Variants in SLC25A37 observed in about 807,000 individuals in gnomAD.
SLC25A37 encodes the protein mitoferrin-1.
In SLC25A37, 17 loss-of-function variants were observed where a neutral mutation model predicts 31.0. The ratio of observed to expected loss-of-function variants is 0.55; its 90% CI spans 0.38 to 0.82. SLC25A37 has a LOEUF of 0.82. Ranked by LOEUF, SLC25A37 falls within the 40% of genes least tolerant of loss-of-function variation. The pLI is 0.00. For missense variants in SLC25A37, 404 were observed against 465.8 expected, an observed-to-expected ratio of 0.87 and a Z score of 1.22; for synonymous variants, 222 against 193.0, an observed-to-expected ratio of 1.15 and a Z score of -1.24.
chr8:23,560,361 C>T (rs1328024746), intron 1 of SLC25A37, among the ~76,000 whole-genome samples: 1 of 152,264 alleles, frequency 6.6e-6, no homozygotes, highest in African/African-American at 2.4e-5. Flanking sequence ...CGCCTGCCTT[C>T]TGCCTCTCTT....
rs191843863 is a variant in SLC25A37, at chr8:23,563,285, C to T, written c.211-2823C>T. On this transcript the variant is annotated intron_variant, in intron 1 of 3. Coordinates refer to ENST00000519973, the MANE Select transcript of SLC25A37 (RefSeq NM_016612.4). The stretch of plus-strand genomic sequence containing the variant: ...CACTGCAGCCTCAAACTCCTGGGCT[C>T]AAGGGATTCTCCCACCTCAGCCTCC... Among the ~76,000 whole-genome samples, 1,516 of 152,314 alleles carry T rather than the reference C, an allele frequency of 1.0e-2. 18 individuals are homozygous for T. The highest frequency in any genetic ancestry group is 0.02 in the Middle Eastern group (6 of 294).
intron 1 of SLC25A37, among the ~76,000 whole-genome samples, chr8:23,536,430 C>T (rs1211041151): frequency 6.6e-6 from 1 of 152,224 alleles, no homozygotes; most frequent in Non-Finnish European, 1.5e-5. Flanking sequence ...CCTGGCCCAC[C>T]CTGCTGCCTC....
At chr8:23,556,931 A>C (rs889102002) in intron 1 of SLC25A37, among the ~76,000 whole-genome samples, 1 of 150,474 alleles carries the variant, frequency 6.6e-6, no homozygotes, top group African/African-American at 2.5e-5. Context: ...GCTCACTGCA[A>C]CCTCCACCTC....
At chr8:23,538,773 CAA>C (rs1444171797) in intron 1 of SLC25A37, among the ~76,000 whole-genome samples, 1 of 152,176 alleles carries the variant, frequency 6.6e-6, no homozygotes, top group African/African-American at 2.4e-5. Context: ...CCTTTCAAGA[CAA>C]GAGTCGCCTG....
intron 1 of SLC25A37, among the ~76,000 whole-genome samples, chr8:23,548,719 C>G (rs965113086): frequency 6.6e-6 from 1 of 152,160 alleles, no homozygotes; most frequent in African/African-American, 2.4e-5. Context: ...ATCTGCTCAC[C>G]TCAGCCTCCT....
At chr8:23,561,315 G>A (rs1212486661) in intron 1 of SLC25A37, among the ~76,000 whole-genome samples, 1 of 152,070 alleles carries the variant, frequency 6.6e-6, no homozygotes, top group Non-Finnish European at 1.5e-5. Flanking sequence ...AATTTAAAAA[G>A]GGGAGGGGGT....
chr8:23,542,006 C>T (rs893141592), intron 1 of SLC25A37: 1 of 152,250 alleles, frequency 6.6e-6, no homozygotes, highest in Non-Finnish European at 1.5e-5. Context: ...AGTAATGTGG[C>T]TCCCAAGGAA....
intron 1 of SLC25A37, among the ~76,000 whole-genome samples, chr8:23,538,394 A>AC (rs1431849406): frequency 1.4e-5 from 2 of 143,734 alleles, no homozygotes; most frequent in African/African-American, 5.1e-5. Flanking sequence ...AAAAAAAAAA[A>AC]AAAAAAAAAA....
At chr8:23,568,282 C>T in intron 2 of SLC25A37, 40 bp from the exon 3 acceptor site, 1 of 1,611,202 alleles carries the variant, frequency 6.2e-7, no homozygotes, top group Non-Finnish European at 8.5e-7. Flanking sequence ...CCTGAGAACA[C>T]CCGATCGCAG....
rs1802956056 is a variant in SLC25A37, at chr8:23,575,427, C to T, written c.*3572C>T. ...CTGATATGCTGCTACAGTTGCAAAACACTGGAGCTAGAGAAAATAAAGTAC... is the reference window on the plus strand; with the variant it reads ...CTGATATGCTGCTACAGTTGCAAAATACTGGAGCTAGAGAAAATAAAGTAC... On this transcript the variant is annotated 3_prime_UTR_variant, in exon 4 of 4. Transcript: ENST00000519973. 6.6e-6 allele frequency: 1 copy of T among 152,160 alleles called. No homozygotes were observed. The allele number at this position is 152,160 out of a possible 1,614,324, so 9.4% of individuals were successfully genotyped here.
intron 1 of SLC25A37, among the ~76,000 whole-genome samples, chr8:23,538,529 GTGTGTGTGTGTGTGTGTT>G (rs1270010752): frequency 1.3e-5 from 2 of 151,080 alleles, no homozygotes; most frequent in African/African-American, 4.9e-5. Flanking sequence ...TGTCGTGTGT[GTGTGTGTGTGTGTGTGTT>G]TGTGTGTGTG....
Position 23,548,631 on chromosome 8 carries a change from C to T in SLC25A37, c.211-17477C>T, listed in dbSNP as rs374759820. 1.8e-4 allele frequency among the ~76,000 whole-genome samples: 27 copies of T among 152,096 alleles called. 1 individual carries two copies. The East Asian group carries it at 5.0e-3, about 28-fold the overall frequency. On this transcript the variant is annotated intron_variant, in intron 1 of 3. Transcript: ENST00000519973. ...GATTACAGGCATACACCACCACACCCGGCTGATTTTATAGTTTTAGTAGAC... is the reference window on the plus strand; with the variant it reads ...GATTACAGGCATACACCACCACACCTGGCTGATTTTATAGTTTTAGTAGAC...
At chr8:23,536,475 G>A (rs1188222612) in intron 1 of SLC25A37, among the ~76,000 whole-genome samples, 1 of 152,014 alleles carries the variant, frequency 6.6e-6, no homozygotes, top group African/African-American at 2.4e-5. Context: ...GAGGGGGTTG[G>A]CCCTGCGATC....
Position 23,571,289 on chromosome 8 carries a change from T to C in SLC25A37, c.497-46T>C, listed in dbSNP as rs192732568. ...TGGGGTGGGGCCACATCCAACCCACTGCCCACTGGCTGTCCGTCTGGCCTG... is the reference window on the plus strand; with the variant it reads ...TGGGGTGGGGCCACATCCAACCCACCGCCCACTGGCTGTCCGTCTGGCCTG... On this transcript the variant is annotated intron_variant, in intron 3 of 3. Transcript: ENST00000519973. The C allele has an allele frequency of 7.5e-4, 1,120 of 1,485,578 alleles. 6 individuals carry two copies. The African/African-American group carries it at 0.014, about 19-fold the overall frequency. The allele number at this position is 1,485,578 out of a possible 1,614,324, so 92.0% of individuals were successfully genotyped here.
chr8:23,554,095 G>A (rs1043603868), intron 1 of SLC25A37, among the ~76,000 whole-genome samples: 1 of 152,158 alleles, frequency 6.6e-6, no homozygotes, highest in African/African-American at 2.4e-5. Flanking sequence ...CTGGCCGACC[G>A]CCTGGCTTCT....
intron 1 of SLC25A37, among the ~76,000 whole-genome samples, chr8:23,554,246 G>C (rs1445810037): frequency 1.3e-5 from 2 of 152,170 alleles, no homozygotes; most frequent in African/African-American, 4.8e-5. Context: ...AAATAGAAGG[G>C]TTGAAGGTTC....
At chr8:23,551,049 C>T (rs569933543) in intron 1 of SLC25A37, among the ~76,000 whole-genome samples, 13 of 152,298 alleles carry the variant, frequency 8.5e-5, no homozygotes, top group Admixed American at 4.6e-4. Flanking sequence ...TCAGCAGTGT[C>T]GGGAATCTTG....
chr8:23,554,871 G>A (rs1245224724), intron 1 of SLC25A37, among the ~76,000 whole-genome samples: 1 of 152,208 alleles, frequency 6.6e-6, no homozygotes, highest in Non-Finnish European at 1.5e-5. Context: ...AGATACTGGA[G>A]AGCCCATCTG....
At chr8:23,538,380 C>CAAAAA (rs1286476649) in intron 1 of SLC25A37, among the ~76,000 whole-genome samples, 2 of 10,758 alleles carry the variant, frequency 1.9e-4, no homozygotes, top group South Asian at 4.7e-3. Context: ...GACTTCATCT[C>CAAAAA]AAAAAAAAAA....
Sources: gnomAD v4.1 joint callset for allele counts (sites outside exome capture counted in the v4.1 genomes callset) on GRCh38, gnomAD v4.1.1 for gene constraint, MANE v1.5 for transcripts, NCBI Gene and HGNC (gene_info 2026-07-23, HGNC 2026-07-21) for gene names.